The following PCDHGA6 variants were observed in gnomAD, a reference collection of about 807,000 sequenced individuals.
The protein encoded by PCDHGA6 is protocadherin gamma-A6.
In PCDHGA6, 41 loss-of-function variants were observed where a neutral mutation model predicts 60.6. The ratio of observed to expected loss-of-function variants is 0.68; its 90% CI spans 0.53 to 0.88. The LOEUF (loss-of-function observed/expected upper bound fraction) is 0.88. Ranked by LOEUF, PCDHGA6 falls within the 40% of genes least tolerant of loss-of-function variation. The pLI, the probability that PCDHGA6 is intolerant of heterozygous loss-of-function variation, is 0.00. For synonymous variants in PCDHGA6, 594 were observed against 524.4 expected (o/e 1.13, Z -1.81); for missense variants, 1,312 against 1,203.0 (o/e 1.09, Z -1.34).
At chr5:141,429,848 C>T (rs567448097) in intron 1 of PCDHGA6, among the ~76,000 whole-genome samples, 25 of 152,228 alleles carry the variant, frequency 1.6e-4, no homozygotes, top group African/African-American at 5.8e-4. Context: ...AAGTCTGTAA[C>T]ATTCTTTGGA....
At chr5:141,399,681 C>G (rs2093865042) in intron 1 of PCDHGA6, 1 of 1,613,408 alleles carries the variant, frequency 6.2e-7, no homozygotes, top group South Asian at 1.1e-5. Flanking sequence ...CCTTTGACTA[C>G]GAGCAGCTGC....
chr5:141,375,800 A>C lies in PCDHGA6; in HGVS notation c.1717A>C (p.Thr573Pro). The part of the protein sequence containing the change: ...LYPALPTDGS[T>P]GVELAPRSAE... ...CCCCGCCCTCCCCACAGACGGTTCC[A>C]CTGGCGTGGAGCTGGCGCCCCGCTC... Residue 573 changes from threonine to proline, a missense_variant, in exon 1 of 4, where the codon ACT (threonine) becomes CCT (proline). Physicochemically the swap from Thr to Pro is conservative, Grantham distance 38. Transcript: ENST00000517434. The C allele has an allele frequency of 6.2e-7, 1 of 1,614,162 alleles. No homozygotes were observed. The highest frequency in any genetic ancestry group is 8.5e-7 in the Non-Finnish European group (1 of 1,180,012).
At chr5:141,448,316 T>G (rs1042171540) in intron 1 of PCDHGA6, among the ~76,000 whole-genome samples, 2 of 152,174 alleles carry the variant, frequency 1.3e-5, no homozygotes, top group Admixed American at 1.3e-4. Context: ...AGGAATCTTT[T>G]CTTTGAATCT....
At chr5:141,474,090 AAACAACAACAAAAAC>A (rs1459798801) in intron 1 of PCDHGA6, among the ~76,000 whole-genome samples, 1 of 152,206 alleles carries the variant, frequency 6.6e-6, no homozygotes, top group African/African-American at 2.4e-5. Flanking sequence ...ACCAAAAAAC[AAACAACAACAAAAAC>A]AACAACAACG....
rs2099883850 is a variant in PCDHGA6, at chr5:141,511,565, A to T, written c.*392A>T. The T allele has an allele frequency of 3.4e-6, 1 of 295,974 alleles. No homozygotes were observed. Among genetic ancestry groups the T allele is most frequent in the African/African-American group, 2.2e-5 (1 of 46,502 alleles). The allele number at this position is 295,974 out of a possible 1,614,324, so 18.3% of individuals were successfully genotyped here. The stretch of plus-strand genomic sequence containing the variant: ...CCACTCCAACAGTTCCTCTTTCCCG[A>T]GTAAGGTGGTTGGGGTGTTGAAGTA... On this transcript the variant is annotated 3_prime_UTR_variant, in exon 4 of 4. Coordinates refer to ENST00000517434, the MANE Select transcript of PCDHGA6 (RefSeq NM_018919.3).
At position 141,375,761 on chromosome 5, in the gene PCDHGA6, C is replaced by A; in HGVS notation, c.1678C>A (p.Pro560Thr). The change falls in exon 1 of 4, where the codon CCC (proline) becomes ACC (threonine). Residue 560 changes from proline (P) to threonine (T), a missense_variant. By Grantham distance (38) the Pro-to-Thr change is conservative (BLOSUM62 -1). Coordinates refer to ENST00000517434, the MANE Select transcript of PCDHGA6 (RefSeq NM_018919.3). ...TGTGCTGGACCAGAATGACAATGCG[C>A]CCGAGATCCTGTACCCCGCCCTCCC... is the stretch of plus-strand genomic sequence containing the variant. ...LFVLDQNDNA[P>T]EILYPALPTD... 1 of 1,614,236 alleles carries A rather than the reference C, an allele frequency of 6.2e-7. No homozygotes were observed. Among genetic ancestry groups the A allele is most frequent in the Non-Finnish European group, 8.5e-7 (1 of 1,180,032 alleles).
chr5:141,421,374 C>G, intron 1 of PCDHGA6: 1 of 1,614,062 alleles, frequency 6.2e-7, no homozygotes, highest in Non-Finnish European at 8.5e-7. Context: ...TGGGCAATAT[C>G]TCCAAGGACC....
At chr5:141,460,580 G>A (rs1037056676) in intron 1 of PCDHGA6, among the ~76,000 whole-genome samples, 7 of 152,160 alleles carry the variant, frequency 4.6e-5, no homozygotes, top group African/African-American at 1.4e-4. Flanking sequence ...ATGTAGGTGT[G>A]GGTTTTTTCT....
intron 1 of PCDHGA6, chr5:141,427,469 C>A: frequency 2.0e-6 from 1 of 510,092 alleles, no homozygotes; most frequent in Non-Finnish European, 3.8e-6. Flanking sequence ...TCGAATCTTC[C>A]GCCAATAATG....
chr5:141,476,446 G>A lies in PCDHGA6; in HGVS notation c.2425-18361G>A. On this transcript the variant is annotated intron_variant, in intron 1 of 3. Transcript: ENST00000517434. This position sits in a 1 kb window ranked among gnomAD's most constrained non-coding sequence, Gnocchi z 7.6. Reference sequence around the variant, plus strand: ...CCTCTTGCACTGTAACTCTGGAGTTGGTAGTGGAGAACCCGCTGGAGCTGT... The same window carrying A: ...CCTCTTGCACTGTAACTCTGGAGTTAGTAGTGGAGAACCCGCTGGAGCTGT... 6.2e-7 allele frequency: 1 copy of A among 1,614,144 alleles called. No homozygotes were observed. Among genetic ancestry groups the A allele is most frequent in the South Asian group, 1.1e-5 (1 of 91,072 alleles).
At chr5:141,380,262 A>G (rs1183031008) in intron 1 of PCDHGA6, among the ~76,000 whole-genome samples, 3 of 152,232 alleles carry the variant, frequency 2.0e-5, no homozygotes, top group African/African-American at 7.2e-5. Flanking sequence ...GGGAAGGAGT[A>G]AAATCTCAGA....
intron 1 of PCDHGA6, among the ~76,000 whole-genome samples, chr5:141,469,667 T>C (rs62379201): frequency 0.22 from 32,952 of 152,218 alleles, 3,707 homozygotes; most frequent in African/African-American, 0.28. Flanking sequence ...CTTGTTCTAA[T>C]AAAACTACAT....
At chr5:141,502,441 GAT>G (rs2099814262) in intron 2 of PCDHGA6, among the ~76,000 whole-genome samples, 1 of 152,000 alleles carries the variant, frequency 6.6e-6, no homozygotes, top group Non-Finnish European at 1.5e-5. Flanking sequence ...GTTAGATTCA[GAT>G]TACACACCTT....
chr5:141,423,264 C>T (rs1452323474), intron 1 of PCDHGA6: 6 of 1,613,868 alleles, frequency 3.7e-6, no homozygotes, highest in Non-Finnish European at 5.1e-6. Context: ...TCGGCAGCCT[C>T]GAGTCTCTGG....
intron 1 of PCDHGA6, chr5:141,387,968 G>A (rs1169859236): frequency 7.4e-6 from 11 of 1,489,402 alleles, no homozygotes; most frequent in Non-Finnish European, 9.9e-6. Flanking sequence ...TCTGCCCGGC[G>A]CTCTGTGAGC....
chr5:141,475,715 C>A (rs989484033), intron 1 of PCDHGA6, among the ~76,000 whole-genome samples: 3 of 152,366 alleles, frequency 2.0e-5, no homozygotes, highest in South Asian at 4.1e-4. Context: ...AGCCTCACAG[C>A]CCCAAGGCTG....
intron 1 of PCDHGA6, among the ~76,000 whole-genome samples, chr5:141,433,940 T>C (rs1315031506): frequency 6.6e-6 from 1 of 152,192 alleles, no homozygotes; most frequent in African/African-American, 2.4e-5. Flanking sequence ...TATAATTCCA[T>C]TGTTTCTTCT....
intron 1 of PCDHGA6, chr5:141,402,792 A>G (rs947158745): frequency 1.4e-5 from 14 of 1,008,956 alleles, no homozygotes; most frequent in Admixed American, 3.1e-5. Flanking sequence ...CTGCGGCTAC[A>G]CAAAACCCGG....
chr5:141,404,047 A>G, intron 1 of PCDHGA6: 1 of 1,613,860 alleles, frequency 6.2e-7, no homozygotes, highest in Non-Finnish European at 8.5e-7. Context: ...AGGGAACAGT[A>G]ATTCTTCTTT....
Sources: allele counts gnomAD v4.1 joint callset (sites outside exome capture counted in the v4.1 genomes callset), GRCh38; gene constraint gnomAD v4.1.1; non-coding constraint Gnocchi (gnomAD v3.1); transcripts MANE v1.5; gene names NCBI Gene and HGNC (gene_info 2026-07-23, HGNC 2026-07-21).